The following ITGAL variants were observed in gnomAD, a reference collection of about 807,000 sequenced individuals.
The protein encoded by ITGAL is integrin alpha-L.
In ITGAL, 68 loss-of-function variants were observed where a neutral mutation model predicts 138.4. The observed-to-expected ratio is 0.49, with a 90% confidence interval of 0.40 to 0.60. The LOEUF (loss-of-function observed/expected upper bound fraction) is 0.60. ITGAL is among the 20% of genes least tolerant of loss of function. The probability of loss-of-function intolerance (pLI) is 0.00; values close to 1 mark genes in which losing one functional copy is unlikely to be tolerated. For missense variants in ITGAL, 1,256 were observed against 1,478.6 expected, an observed-to-expected ratio of 0.85 and a Z score of 2.47; for synonymous variants, 561 against 584.3, an observed-to-expected ratio of 0.96 and a Z score of 0.57.
At chr16:30,474,343 G>A (rs1318010367) in intron 2 of ITGAL, 45 bp downstream of exon 2, 1 of 1,431,542 alleles carries the variant, frequency 7.0e-7, no homozygotes, top group Non-Finnish European at 9.7e-7. Flanking sequence ...CCGCCCTGGG[G>A]CAGCCCCCGA....
chr16:30,489,015 T>A, intron 9 of ITGAL, 67 bp from the exon 10 acceptor site: 1 of 1,330,420 alleles, frequency 7.5e-7, no homozygotes, highest in Non-Finnish European at 1.1e-6. Flanking sequence ...TTCCCCGTCC[T>A]GCCATGAATT....
Position 30,494,450 on chromosome 16 carries a change from T to G in ITGAL, c.1365+87T>G. ...TCTGTCCTTTGAATGCTCATCCACT[T>G]ACCATGTGGCAGCCCCTGTGCTAAA... On this transcript the variant is annotated intron_variant, in intron 12 of 30. Coordinates refer to ENST00000356798, the MANE Select transcript of ITGAL (RefSeq NM_002209.3). This position sits in a 1 kb window ranked among gnomAD's most constrained non-coding sequence, Gnocchi z 4.2. 2 of 1,386,950 alleles carry G rather than the reference T, an allele frequency of 1.4e-6. No individual in the cohort carries two copies. Among genetic ancestry groups the G allele is most frequent in the Non-Finnish European group, 2.0e-6 (2 of 1,025,450 alleles). 85.9% of individuals were successfully genotyped at this position (1,386,950 alleles called of 1,614,324 possible). A position where few individuals can be genotyped will look rare whatever the true frequency, so the allele number is the denominator to read the frequency against.
At chr16:30,488,936 C>T in intron 9 of ITGAL, 146 bp from the exon 10 acceptor site, 1 of 682,118 alleles carries the variant, frequency 1.5e-6, no homozygotes, top group Non-Finnish European at 2.7e-6. Flanking sequence ...CGCATTAAGC[C>T]ACTTCCTGGG....
At chr16:30,499,663 T>TTATATA in intron 17 of ITGAL, 174 bp downstream of exon 17, 2 of 242,358 alleles carry the variant, frequency 8.3e-6, no homozygotes, top group African/African-American at 2.5e-5. Flanking sequence ...TTTTTTTAAA[T>TTATATA]TATATATATA....
In ITGAL at chr16:30,504,101, A is replaced by G. The variant is rs1258281574; in HGVS notation, c.2146-74A>G. 1.4e-5 allele frequency: 16 copies of G among 1,127,204 alleles called. No individual in the cohort carries two copies. In the Admixed American group the frequency reaches 2.3e-4, roughly 16 times the overall value. 69.8% of individuals were successfully genotyped at this position (1,127,204 alleles called of 1,614,324 possible). A position where few individuals can be genotyped will look rare whatever the true frequency, so the allele number is the denominator to read the frequency against. On this transcript the variant is annotated intron_variant, in intron 17 of 30. Transcript: ENST00000356798. ...GAATTTCATCACTTGTAAAATGCTG[A>G]CAAGGTATACATCTAATCGGAAGTG...
At chr16:30,484,071 G>C in intron 8 of ITGAL, 42 bp from the exon 9 acceptor site, 2 of 1,603,564 alleles carry the variant, frequency 1.2e-6, no homozygotes. Flanking sequence ...ACTGGACTGA[G>C]GTTTGGGGGA....
At chr16:30,489,206 G>C (rs1467597088) in intron 10 of ITGAL, 48 bp from the exon 11 acceptor site, 2 of 1,613,948 alleles carry the variant, frequency 1.2e-6, no homozygotes, top group Admixed American at 3.3e-5. Flanking sequence ...TTGGCTCTGG[G>C]GGGTGGGTCG....
chr16:30,511,925 A>G lies in ITGAL; in HGVS notation c.2786+789A>G, dbSNP rs114887781. ...TGAGAAGACAGTGAACTAGTGTTCT[A>G]AAGGACCATCTGTAATGTTAAGGGT... is the stretch of plus-strand genomic sequence containing the variant. On this transcript the variant is annotated intron_variant, in intron 24 of 30. Transcript: ENST00000356798. Among the ~76,000 whole-genome samples the G allele has an allele frequency of 5.1e-3, 778 of 152,322 alleles. 9 individuals carry two copies. The highest frequency in any genetic ancestry group is 0.018 in the African/African-American group (730 of 41,564).
At position 30,519,898 on chromosome 16, in the gene ITGAL, C is replaced by T. The variant is rs975190938; in HGVS notation, c.3270C>T (p.Leu1090=). The T allele has an allele frequency of 1.8e-5, 29 of 1,613,922 alleles. No individual in the cohort carries two copies. Among genetic ancestry groups the T allele is most frequent in the Non-Finnish European group, 2.3e-5 (27 of 1,179,986 alleles). The change falls in exon 30 of 31, where the codon CTC becomes CTT. Residue 1090 remains leucine, a synonymous_variant. Transcript: ENST00000356798. The part of the protein sequence containing the change: ...KVDVVYEKQM[L]YLYVLSGIGG... ...ACGTGGTGTATGAGAAGCAGATGCT[C>T]TACCTCTACGTGCTGAGCGGCATCG... is the stretch of plus-strand genomic sequence containing the variant.
chr16:30,494,865 T>C lies in ITGAL; in HGVS notation c.1503+15T>C, dbSNP rs1385601586. ...AGAGAAGACAGGTGGGGCCAGGATC[T>C]GGAGCTGAGAGGGAGGAGGGAGAGC... On this transcript the variant is annotated intron_variant, in intron 13 of 30. Coordinates refer to ENST00000356798, the MANE Select transcript of ITGAL (RefSeq NM_002209.3). The surrounding 1 kb of genome is among the most constrained non-coding windows in gnomAD (Gnocchi z 4.2). 3 of 1,578,120 alleles carry C rather than the reference T, an allele frequency of 1.9e-6. No individual in the cohort carries two copies. The highest frequency in any genetic ancestry group is 2.3e-5 in the East Asian group (1 of 44,024).
chr16:30,515,639 C>A (rs1028584100), intron 25 of ITGAL, among the ~76,000 whole-genome samples: 5 of 152,158 alleles, frequency 3.3e-5, no homozygotes, highest in Non-Finnish European at 5.9e-5. Context: ...CCCCACATGT[C>A]TCTTCTTGGA....
Position 30,499,443 on chromosome 16 carries a change from C to T in ITGAL, c.2099C>T (p.Ala700Val). The T allele has an allele frequency of 6.2e-7, 1 of 1,613,958 alleles. No individual in the cohort carries two copies. The highest frequency in any genetic ancestry group is 1.1e-5 in the South Asian group (1 of 91,082). Residue 700 changes from alanine to valine, a missense_variant, in exon 17 of 31, where the codon GCT becomes GTT. Coordinates refer to ENST00000356798, the MANE Select transcript of ITGAL (RefSeq NM_002209.3). ...GGRHELRRNI[A>V]VTTSMSCTDF... ...AGACATGAACTCAGAAGGAATATAG[C>T]TGTCACCACCAGCATGTCATGCACT...
At chr16:30,496,654 T>C (rs185570500) in intron 15 of ITGAL, 88 bp downstream of exon 15, 2 of 1,269,072 alleles carry the variant, frequency 1.6e-6, no homozygotes, top group African/African-American at 1.6e-5. Flanking sequence ...ATTTTGGTTT[T>C]TTTTAGAGAC....
chr16:30,487,513 G>T (rs573519786), intron 9 of ITGAL, among the ~76,000 whole-genome samples: 3 of 151,782 alleles, frequency 2.0e-5, no homozygotes, highest in Admixed American at 2.0e-4. Context: ...CGGTTCAAGC[G>T]ATTCTCCTGC....
intron 26 of ITGAL, 31 bp from the exon 27 acceptor site, chr16:30,517,618 C>G: frequency 6.2e-7 from 1 of 1,601,150 alleles, no homozygotes; most frequent in Non-Finnish European, 8.6e-7. Flanking sequence ...GTTGGGGAGG[C>G]TCTAACTGAA....
At chr16:30,473,688 G>A (rs1055773572) in intron 1 of ITGAL, among the ~76,000 whole-genome samples, 3 of 152,146 alleles carry the variant, frequency 2.0e-5, no homozygotes, top group African/African-American at 4.8e-5. Context: ...GGCTGACTGA[G>A]GGGGAAGGGA....
At chr16:30,487,271 C>T (rs766252532) in intron 9 of ITGAL, among the ~76,000 whole-genome samples, 49 of 151,960 alleles carry the variant, frequency 3.2e-4, no homozygotes, top group Non-Finnish European at 5.4e-4. Context: ...CCACTACGCC[C>T]GGCCGAGACA....
intron 4 of ITGAL, among the ~76,000 whole-genome samples, chr16:30,476,422 CT>C (rs1423394215): frequency 3.3e-5 from 5 of 151,952 alleles, no homozygotes; most frequent in Admixed American, 6.6e-5. Flanking sequence ...GGTATACAAA[CT>C]TTTAATGTTT....
intron 25 of ITGAL, among the ~76,000 whole-genome samples, chr16:30,515,915 C>T (rs917459868): frequency 6.6e-6 from 1 of 151,146 alleles, no homozygotes; most frequent in Admixed American, 6.6e-5. Flanking sequence ...AAGGTTGCAG[C>T]GAGCTGTGAT....
Sources: allele counts gnomAD v4.1 joint callset (sites outside exome capture counted in the v4.1 genomes callset), GRCh38; gene constraint gnomAD v4.1.1; non-coding constraint Gnocchi (gnomAD v3.1); transcripts MANE v1.5; gene names NCBI Gene and HGNC (gene_info 2026-07-23, HGNC 2026-07-21).